Variants in C8B observed in about 807,000 individuals in gnomAD.
C8B encodes the protein complement C8 beta chain, also known as complement component C8 beta chain.
In C8B, 67 loss-of-function variants were observed where a neutral mutation model predicts 64.6. The ratio of observed to expected loss-of-function variants is 1.04; its 90% CI spans 0.85 to 1.27. The LOEUF is 1.27. C8B is among the 50% of genes most tolerant of loss of function. The probability of loss-of-function intolerance (pLI) is 0.00; values close to 1 mark genes in which losing one functional copy is unlikely to be tolerated. For missense variants in C8B, 790 were observed against 725.2 expected (o/e 1.09, Z -1.03); for synonymous variants, 284 against 257.7 (o/e 1.10, Z -0.98).
intron 6 of C8B, among the ~76,000 whole-genome samples, chr1:56,949,267 G>C (rs1023864773): frequency 6.6e-6 from 1 of 152,144 alleles, no homozygotes; most frequent in African/African-American, 2.4e-5. Context: ...TCAGGAGAGG[G>C]TTAGTTATCG....
At chr1:56,965,754 T>C (rs1645246632) in intron 1 of C8B, 103 bp downstream of exon 1, 1 of 1,266,334 alleles carries the variant, frequency 7.9e-7, no homozygotes. Context: ...TTAAGAGACG[T>C]TCCTCATTCA....
intron 11 of C8B, among the ~76,000 whole-genome samples, chr1:56,930,613 C>T (rs1386408599): frequency 1.3e-5 from 2 of 152,110 alleles, no homozygotes; most frequent in Non-Finnish European, 2.9e-5. Context: ...CGATCAAAGG[C>T]TGTGGGGGCA....
Position 56,965,894 on chromosome 1 carries a change from A to C in C8B, c.55T>G (p.Cys19Gly). Residue 19 changes from cysteine (C) to glycine (G), a missense_variant, in exon 1 of 12, where the codon TGT (cysteine) becomes GGT (glycine). Cys to Gly is a radical substitution (Grantham distance 159, BLOSUM62 -3). Coordinates refer to ENST00000371237, the MANE Select transcript of C8B (RefSeq NM_000066.4). ...WRAPVELFLL[C>G]AALGCLSLPG... Reference sequence around the variant, plus strand: ...AAACTGAGACAGCCCAGGGCAGCACAGAGAAGAAATAGCTCCACCGGCGCC... The same window carrying C: ...AAACTGAGACAGCCCAGGGCAGCACCGAGAAGAAATAGCTCCACCGGCGCC... The C allele has an allele frequency of 6.2e-7, 1 of 1,614,078 alleles. No individual in the cohort carries two copies. The highest frequency in any genetic ancestry group is 1.3e-5 in the African/African-American group (1 of 75,014).
chr1:56,958,557 G>A (rs1645133916), intron 2 of C8B, among the ~76,000 whole-genome samples: 1 of 152,190 alleles, frequency 6.6e-6, no homozygotes, highest in African/African-American at 2.4e-5. Context: ...GAGTGTGTAA[G>A]TGGTGCAGGA....
intron 4 of C8B, among the ~76,000 whole-genome samples, chr1:56,952,687 G>A (rs544695034): frequency 9.9e-5 from 15 of 152,282 alleles, no homozygotes; most frequent in East Asian, 3.9e-4. Flanking sequence ...GGAGCCAGAC[G>A]TCTGAGATCC....
chr1:56,950,815 G>A (rs544256308), intron 5 of C8B, among the ~76,000 whole-genome samples: 4 of 152,150 alleles, frequency 2.6e-5, no homozygotes, highest in Non-Finnish European at 4.4e-5. Flanking sequence ...GTCATAGCAC[G>A]GCACCTGGCA....
chr1:56,956,724 A>G, intron 3 of C8B, 45 bp downstream of exon 3: 1 of 1,607,786 alleles, frequency 6.2e-7, no homozygotes. Context: ...AAGAACCATT[A>G]CCTCATTTCA....
At chr1:56,934,278 T>A (rs999955228) in intron 9 of C8B, among the ~76,000 whole-genome samples, 5 of 151,386 alleles carry the variant, frequency 3.3e-5, no homozygotes, top group Non-Finnish European at 5.9e-5. Flanking sequence ...GCTGGATGGA[T>A]GTAGGGGGAT....
In C8B at chr1:56,936,503, A is replaced by G. The variant is rs1570374479; in HGVS notation, c.1399-3015T>C. On this transcript the variant is annotated intron_variant, in intron 9 of 11. Coordinates refer to ENST00000371237, the MANE Select transcript of C8B (RefSeq NM_000066.4). ...TCATTCCTTACATATTAAGGATCTC[A>G]TTTGTGGTAAATTTTTTTTTTTTTT... 2.3e-5 allele frequency among the ~76,000 whole-genome samples: 3 copies of G among 130,206 alleles called. No individual in the cohort carries two copies. The South Asian group carries it at 8.3e-4, about 36-fold the overall frequency. 85.4% of individuals were successfully genotyped at this position (130,206 alleles called of 152,430 possible). A position where few individuals can be genotyped will look rare whatever the true frequency, so the allele number is the denominator to read the frequency against.
intron 10 of C8B, among the ~76,000 whole-genome samples, chr1:56,932,520 C>T (rs1644716683): frequency 6.6e-6 from 1 of 152,116 alleles, no homozygotes; most frequent in African/African-American, 2.4e-5. Context: ...GTTCAGCAAC[C>T]CTAGATTAAA....
At chr1:56,955,623 C>T (rs1435635554) in intron 3 of C8B, among the ~76,000 whole-genome samples, 1 of 152,162 alleles carries the variant, frequency 6.6e-6, no homozygotes, top group South Asian at 2.1e-4. Flanking sequence ...TCTTACCAGA[C>T]ATTTAAACTA....
chr1:56,961,778 G>T (rs1645183901), intron 1 of C8B, among the ~76,000 whole-genome samples: 1 of 152,126 alleles, frequency 6.6e-6, no homozygotes, highest in African/African-American at 2.4e-5. Flanking sequence ...GGTGAAATCT[G>T]TGTCCATGAC....
At position 56,934,564 on chromosome 1, in the gene C8B, C is replaced by T. The variant is rs141922841; in HGVS notation, c.1399-1076G>A. ...CTTTTGCTTGTGATTCTGCCCTAAT[C>T]CTGCCCTGGAGAGTTTAGGGTACGT... On this transcript the variant is annotated intron_variant, in intron 9 of 11. Transcript: ENST00000371237. 1.8e-3 allele frequency among the ~76,000 whole-genome samples: 270 copies of T among 152,288 alleles called. 1 individual carries two copies. The highest frequency in any genetic ancestry group is 6.0e-3 in the African/African-American group (248 of 41,558).
At chr1:56,959,676 CTG>C (rs1294369158) in intron 2 of C8B, 1 of 1,473,676 alleles carries the variant, frequency 6.8e-7, no homozygotes, top group Non-Finnish European at 9.1e-7. Flanking sequence ...CATGGGTAGA[CTG>C]TGAATGGTTT....
chr1:56,943,808 G>T lies in C8B; in HGVS notation c.1122C>A (p.Asn374Lys), dbSNP rs767966002. 1 of 1,614,012 alleles carries T rather than the reference G, an allele frequency of 6.2e-7. No homozygotes were observed. The highest frequency in any genetic ancestry group is 1.1e-5 in the South Asian group (1 of 91,078). ...AMERGDYTLN[N>K]VHACAKNDFK... is the part of the protein sequence containing the mutation. ...AATCATTTTTGGCACAGGCATGGAC[G>T]TTGTTAAGAGTATAATCTGAAGAAA... The change falls in exon 8 of 12, where the codon AAC (asparagine) becomes AAA (lysine). Residue 374 changes from asparagine (N) to lysine (K), a missense_variant. By Grantham distance (94) the Asn-to-Lys change is moderately conservative. Transcript: ENST00000371237.
chr1:56,960,671 C>T (rs755607813), intron 1 of C8B, among the ~76,000 whole-genome samples: 7 of 151,978 alleles, frequency 4.6e-5, no homozygotes, highest in South Asian at 2.1e-4. Flanking sequence ...ATGGCCAGGG[C>T]GAGAGGATGG....
chr1:56,959,717 C>T (rs1362307316), intron 2 of C8B: 6 of 998,168 alleles, frequency 6.0e-6, no homozygotes, highest in Middle Eastern at 2.7e-4. Context: ...CTCAGACATA[C>T]ACTATGATTG....
chr1:56,954,742 A>G lies in C8B; in HGVS notation c.477T>C (p.Tyr159=). 1 of 1,614,174 alleles carries G rather than the reference A, an allele frequency of 6.2e-7. No individual in the cohort carries two copies. Among genetic ancestry groups the G allele is most frequent in the Non-Finnish European group, 8.5e-7 (1 of 1,180,008 alleles). The change falls in exon 4 of 12, where the codon TAT becomes TAC. Residue 159 remains tyrosine, a synonymous_variant. Transcript: ENST00000371237. ...GGTCCATTTCATGCTGACATTTTTT[A>G]TAAATCCTTCTACAGTTTGCTTCAT... is the stretch of plus-strand genomic sequence containing the variant. The part of the protein sequence containing the change: ...QSDEANCRRI[Y]KKCQHEMDQY...
At chr1:56,936,959 G>T (rs1475017758) in intron 9 of C8B, among the ~76,000 whole-genome samples, 1 of 152,098 alleles carries the variant, frequency 6.6e-6, no homozygotes, top group African/African-American at 2.4e-5. Flanking sequence ...ATCCAACATT[G>T]TCTTTCCAGG....
Sources: gnomAD v4.1 joint callset for allele counts (sites outside exome capture counted in the v4.1 genomes callset) on GRCh38, gnomAD v4.1.1 for gene constraint, MANE v1.5 for transcripts, NCBI Gene and HGNC (gene_info 2026-07-23, HGNC 2026-07-21) for gene names.